ADGRA3: variants seen among roughly 807,000 people sequenced by gnomAD.
ADGRA3 encodes G-protein coupled receptor 125.
Under a neutral mutation model 119.8 loss-of-function variants are expected in ADGRA3, and 56 were observed. The observed-to-expected ratio is 0.47, with a 90% CI of 0.38 to 0.58. ADGRA3 has a LOEUF of 0.58. Ranked by LOEUF, ADGRA3 falls within the 20% of genes least tolerant of loss-of-function variation. The pLI is 0.00. For missense variants in ADGRA3, 1,516 were observed against 1,649.0 expected, an observed-to-expected ratio of 0.92 and a Z score of 1.40; for synonymous variants, 607 against 623.8, an observed-to-expected ratio of 0.97 and a Z score of 0.40.
At chr4:22,404,409 C>T (rs145031083) in intron 14 of ADGRA3, among the ~76,000 whole-genome samples, 18 of 152,262 alleles carry the variant, frequency 1.2e-4, no homozygotes, top group African/African-American at 4.1e-4. Flanking sequence ...GCCTAACAAA[C>T]TCCTCACCTT....
chr4:22,434,322 G>A (rs1716310012), intron 10 of ADGRA3, among the ~76,000 whole-genome samples: 1 of 151,572 alleles, frequency 6.6e-6, no homozygotes, highest in Non-Finnish European at 1.5e-5. Flanking sequence ...AATATTAATG[G>A]ATCTGAGAAG....
chr4:22,475,447 A>C (rs562008270), intron 1 of ADGRA3, among the ~76,000 whole-genome samples: 1 of 152,184 alleles, frequency 6.6e-6, no homozygotes, highest in South Asian at 2.1e-4. Context: ...GAATGACACA[A>C]TGAGGCCGGG....
intron 10 of ADGRA3, among the ~76,000 whole-genome samples, 199 bp from the exon 11 acceptor site, chr4:22,424,551 T>G (rs921540497): frequency 6.6e-6 from 1 of 152,160 alleles, no homozygotes. Flanking sequence ...TTGGTGGTAT[T>G]TAGCTCAAAA....
At chr4:22,487,609 G>A (rs16872745) in intron 1 of ADGRA3, among the ~76,000 whole-genome samples, 4,301 of 152,064 alleles carry the variant, frequency 0.028, 66 homozygotes, top group Middle Eastern at 0.068. Flanking sequence ...TGACAAAGCA[G>A]GATGACGGCA....
chr4:22,441,203 C>T (rs1716599864), intron 7 of ADGRA3, among the ~76,000 whole-genome samples: 1 of 152,086 alleles, frequency 6.6e-6, no homozygotes, highest in East Asian at 1.9e-4. Flanking sequence ...AGAAGTCAGG[C>T]TGGAAGCCCA....
At chr4:22,485,416 C>T (rs938849274) in intron 1 of ADGRA3, among the ~76,000 whole-genome samples, 1 of 152,120 alleles carries the variant, frequency 6.6e-6, no homozygotes, top group Non-Finnish European at 1.5e-5. Context: ...CTCCTTTGCT[C>T]AACCTTTCCC....
chr4:22,405,685 T>G (rs192662620), intron 14 of ADGRA3, among the ~76,000 whole-genome samples: 147 of 152,260 alleles, frequency 9.7e-4, no homozygotes, highest in African/African-American at 3.3e-3. Flanking sequence ...CATGAGTACC[T>G]CTGTCACTGG....
intron 2 of ADGRA3, among the ~76,000 whole-genome samples, chr4:22,472,254 T>C (rs183075594): frequency 2.0e-5 from 3 of 152,276 alleles, no homozygotes; most frequent in Admixed American, 2.0e-4. Context: ...ACAGAAAACA[T>C]AATAGGAATG....
intron 4 of ADGRA3, among the ~76,000 whole-genome samples, chr4:22,450,524 C>T (rs1340788893): frequency 6.6e-6 from 1 of 152,202 alleles, no homozygotes; most frequent in African/African-American, 2.4e-5. Flanking sequence ...CCTCAGCCTC[C>T]AAAGTGCTGG....
intron 7 of ADGRA3, among the ~76,000 whole-genome samples, chr4:22,439,841 TTG>T (rs1424973509): frequency 6.6e-6 from 1 of 152,172 alleles, no homozygotes; most frequent in East Asian, 1.9e-4. Flanking sequence ...CATAGTAACT[TTG>T]TCATGGTGCC....
At chr4:22,442,288 AT>A (rs1172017907) in intron 7 of ADGRA3, among the ~76,000 whole-genome samples, 3 of 152,202 alleles carry the variant, frequency 2.0e-5, no homozygotes, top group Admixed American at 1.3e-4. Context: ...ATCAGTCAAT[AT>A]TTTGACTAGA....
intron 1 of ADGRA3, among the ~76,000 whole-genome samples, chr4:22,512,163 A>C (rs1560355162): frequency 6.6e-6 from 1 of 151,804 alleles, no homozygotes; most frequent in Non-Finnish European, 1.5e-5. Flanking sequence ...AACCTCCCAA[A>C]GTACTGCGAT....
At chr4:22,457,303 A>G (rs998277787) in intron 3 of ADGRA3, among the ~76,000 whole-genome samples, 10 of 152,250 alleles carry the variant, frequency 6.6e-5, no homozygotes, top group African/African-American at 2.2e-4. Context: ...GGCATGGTTT[A>G]ATAACAAAAA....
chr4:22,432,591 GCAT>G (rs1716231238), intron 10 of ADGRA3, among the ~76,000 whole-genome samples: 1 of 152,108 alleles, frequency 6.6e-6, no homozygotes. Flanking sequence ...GTGCCAGAAA[GCAT>G]CATCAGATCT....
intron 7 of ADGRA3, among the ~76,000 whole-genome samples, chr4:22,441,799 A>C (rs1716626037): frequency 1.3e-5 from 2 of 152,256 alleles, no homozygotes; most frequent in Non-Finnish European, 2.9e-5. Context: ...TGGAAGATAT[A>C]AATGAAAATA....
At chr4:22,450,401 G>A (rs186889191) in intron 4 of ADGRA3, among the ~76,000 whole-genome samples, 2 of 151,944 alleles carry the variant, frequency 1.3e-5, no homozygotes, top group African/African-American at 4.8e-5. Context: ...GAGTAGCTGG[G>A]ATTACAGGTA....
intron 4 of ADGRA3, among the ~76,000 whole-genome samples, chr4:22,449,843 T>C (rs1214122270): frequency 7.0e-6 from 1 of 142,234 alleles, no homozygotes; most frequent in African/African-American, 2.7e-5. Context: ...TGAAACTCTG[T>C]CTCAAAAAAA....
intron 2 of ADGRA3, among the ~76,000 whole-genome samples, chr4:22,472,461 T>A (rs983423582): frequency 3.9e-5 from 6 of 152,100 alleles, no homozygotes; most frequent in African/African-American, 1.4e-4. Context: ...ATGGACGACA[T>A]GGAACATGAT....
intron 14 of ADGRA3, among the ~76,000 whole-genome samples, chr4:22,410,028 G>C (rs1715127530): frequency 6.6e-6 from 1 of 152,008 alleles, no homozygotes; most frequent in Non-Finnish European, 1.5e-5. Context: ...CAATTATAGA[G>C]TAAATGATAT....
Sources: gnomAD v4.1 joint callset for allele counts (sites outside exome capture counted in the v4.1 genomes callset) on GRCh38, gnomAD v4.1.1 for gene constraint, MANE v1.5 for transcripts, NCBI Gene and HGNC (gene_info 2026-07-23, HGNC 2026-07-21) for gene names.